PRKG1: variants seen among roughly 807,000 people sequenced by gnomAD.
The protein encoded by PRKG1 is protein kinase cGMP-dependent 1.
In PRKG1, 35 loss-of-function variants were observed where a neutral mutation model predicts 88.1. The ratio of observed to expected loss-of-function variants is 0.40; its 90% CI spans 0.30 to 0.53. The LOEUF is 0.53. PRKG1 is among the 20% of genes least tolerant of loss of function. The probability of loss-of-function intolerance (pLI) is 0.59; values close to 1 mark genes in which losing one functional copy is unlikely to be tolerated. For missense variants in PRKG1, 540 were observed against 839.8 expected (o/e 0.64, Z 4.41); for synonymous variants, 303 against 292.5 (o/e 1.04, Z -0.37).
intron 2 of PRKG1, among the ~76,000 whole-genome samples, chr10:51,328,325 T>C (rs1219920765): frequency 6.6e-6 from 1 of 152,220 alleles, no homozygotes; most frequent in Non-Finnish European, 1.5e-5. Flanking sequence ...TTTTAGAAGG[T>C]TGAATAGTAT....
At position 51,074,569 on chromosome 10, in the gene PRKG1, G is replaced by GCC; in HGVS notation, c.-18_-17dup. 1.9e-6 allele frequency: 3 copies of GCC among 1,595,856 alleles called. No individual in the cohort carries two copies. The highest frequency in any genetic ancestry group is 2.6e-6 in the Non-Finnish European group (3 of 1,167,966). On this transcript the variant is annotated 5_prime_UTR_variant, in exon 1 of 18. Transcript: ENST00000373980. Reference sequence around the variant, plus strand: ...AGACGCGGAGCAGCGGCAGGAAGGAGCCCCCGGCAGCCCGGAGGAGCATGG... The same window carrying GCC: ...AGACGCGGAGCAGCGGCAGGAAGGAGCCCCCCCGGCAGCCCGGAGGAGCATGG...
At chr10:51,110,186 C>G in intron 1 of PRKG1, among the ~76,000 whole-genome samples, 1 of 152,094 alleles carries the variant, frequency 6.6e-6, no homozygotes, top group South Asian at 2.1e-4. Context: ...TGAGATCCAC[C>G]GATTCCACCC....
At chr10:51,867,181 A>G (rs987571579) in intron 4 of PRKG1, among the ~76,000 whole-genome samples, 4 of 152,206 alleles carry the variant, frequency 2.6e-5, no homozygotes, top group African/African-American at 7.2e-5. Context: ...AGGACATGTA[A>G]TGTTCCTTGA....
intron 3 of PRKG1, among the ~76,000 whole-genome samples, chr10:51,625,560 G>A (rs150888948): frequency 7.9e-5 from 12 of 152,226 alleles, no homozygotes; most frequent in African/African-American, 2.9e-4. Context: ...GGGATTAACT[G>A]AAAAGGACAG....
At chr10:51,683,613 C>A (rs929950213) in intron 3 of PRKG1, among the ~76,000 whole-genome samples, 4 of 152,098 alleles carry the variant, frequency 2.6e-5, no homozygotes, top group Admixed American at 2.6e-4. Context: ...TTGGATCTTG[C>A]AATGAGCTGA....
At chr10:51,527,910 C>G (rs1266513043) in intron 3 of PRKG1, among the ~76,000 whole-genome samples, 1 of 152,146 alleles carries the variant, frequency 6.6e-6, no homozygotes, top group Non-Finnish European at 1.5e-5. Flanking sequence ...AGTGATCATA[C>G]TATGAATTTA....
intron 9 of PRKG1, among the ~76,000 whole-genome samples, chr10:52,189,049 G>C (rs184085464): frequency 6.8e-4 from 104 of 152,226 alleles, no homozygotes; most frequent in African/African-American, 2.3e-3. Flanking sequence ...AGGAAAATAT[G>C]CAATGTTATT....
rs974871995 is a variant in PRKG1 at position 52,297,369 on chromosome 10, T to C, written c.*3469T>C. On this transcript the variant is annotated 3_prime_UTR_variant, in exon 18 of 18. Coordinates refer to ENST00000373980, the MANE Select transcript of PRKG1 (RefSeq NM_006258.4). The stretch of plus-strand genomic sequence containing the variant: ...CATTGTTGCAAGTGCCTTAAATTCA[T>C]GGCATCCTATTAAAAAAACAAATTT... 6.6e-6 allele frequency: 1 copy of C among 152,130 alleles called. No homozygotes were observed. Among genetic ancestry groups the C allele is most frequent in the Non-Finnish European group, 1.5e-5 (1 of 68,006 alleles). 9.4% of individuals were successfully genotyped at this position (152,130 alleles called of 1,614,324 possible).
intron 2 of PRKG1, among the ~76,000 whole-genome samples, chr10:51,411,155 A>T (rs570720988): frequency 6.6e-6 from 1 of 152,246 alleles, no homozygotes; most frequent in African/African-American, 2.4e-5. Context: ...GTGCACCACC[A>T]CGCTTGGCTA....
intron 3 of PRKG1, among the ~76,000 whole-genome samples, chr10:51,776,498 A>C (rs17546717): frequency 0.022 from 3,304 of 152,206 alleles, 50 homozygotes; most frequent in Non-Finnish European, 0.031. Context: ...TGACAAAGCA[A>C]GTTAATGATC....
chr10:51,151,957 T>A (rs913262602), intron 1 of PRKG1, among the ~76,000 whole-genome samples: 3 of 151,946 alleles, frequency 2.0e-5, no homozygotes, highest in Non-Finnish European at 4.4e-5. Flanking sequence ...AGGACTAAGG[T>A]CAGCTTGTAT....
chr10:51,371,573 C>T (rs1842707252), intron 2 of PRKG1, among the ~76,000 whole-genome samples: 1 of 152,136 alleles, frequency 6.6e-6, no homozygotes, highest in Non-Finnish European at 1.5e-5. Context: ...CCTCCTCTTT[C>T]TGAGTTACTT....
intron 8 of PRKG1, among the ~76,000 whole-genome samples, chr10:52,140,407 C>T (rs1430118708): frequency 6.6e-6 from 1 of 152,104 alleles, no homozygotes; most frequent in African/African-American, 2.4e-5. Context: ...ACTCCATCCC[C>T]TCAATTTCTT....
chr10:51,728,275 T>G lies in PRKG1; in HGVS notation c.593-76310T>G, dbSNP rs188157643. Among the ~76,000 whole-genome samples, 19 of 152,182 alleles carry G rather than the reference T, an allele frequency of 1.2e-4. No homozygotes were observed. The East Asian group carries it at 3.7e-3, about 29-fold the overall frequency. On this transcript the variant is annotated intron_variant, in intron 3 of 17. Transcript: ENST00000373980. ...TTTGCAACTGTACTAAGATATTGCC[T>G]ATAATGCCCCCAAATTACTTTAAAA... is the stretch of plus-strand genomic sequence containing the variant.
intron 5 of PRKG1, among the ~76,000 whole-genome samples, chr10:52,010,232 A>C (rs2133167945): frequency 6.6e-6 from 1 of 152,324 alleles, no homozygotes; most frequent in Non-Finnish European, 1.5e-5. Flanking sequence ...CAGAGTAAAC[A>C]CACAGCTTAC....
In PRKG1 at chr10:52,286,447, A is replaced by G. The variant is rs7067563; in HGVS notation, c.1710-2279A>G. 6.0e-3 allele frequency among the ~76,000 whole-genome samples: 918 copies of G among 152,216 alleles called. 7 individuals carry two copies. The highest frequency in any genetic ancestry group is 0.021 in the African/African-American group (881 of 41,566). On this transcript the variant is annotated intron_variant, in intron 14 of 17. Coordinates refer to ENST00000373980, the MANE Select transcript of PRKG1 (RefSeq NM_006258.4). ...AGCCCACAAAAAGATGAATCAAAAT[A>G]AAGCATTCAGGAATAGAAAAACTAG... is the stretch of plus-strand genomic sequence containing the variant.
At chr10:51,199,495 G>T (rs1904672) in intron 2 of PRKG1, among the ~76,000 whole-genome samples, 14 of 152,100 alleles carry the variant, frequency 9.2e-5, no homozygotes, top group South Asian at 2.1e-4. Flanking sequence ...GAGTGTGGCC[G>T]ATTTCTTCTC....
chr10:51,309,090 C>T (rs892365657), intron 2 of PRKG1, among the ~76,000 whole-genome samples: 3 of 152,172 alleles, frequency 2.0e-5, no homozygotes, highest in Non-Finnish European at 2.9e-5. Context: ...TCCCCCAGGG[C>T]TTCTTCTGGC....
intron 7 of PRKG1, among the ~76,000 whole-genome samples, chr10:52,090,268 A>C (rs1847023264): frequency 6.6e-6 from 1 of 152,086 alleles, no homozygotes; most frequent in Admixed American, 6.6e-5. Flanking sequence ...AAATGGCTAC[A>C]TACAAAAAAG....
Sources: gnomAD v4.1 joint callset for allele counts (sites outside exome capture counted in the v4.1 genomes callset) on GRCh38, gnomAD v4.1.1 for gene constraint, MANE v1.5 for transcripts, NCBI Gene and HGNC (gene_info 2026-07-23, HGNC 2026-07-21) for gene names.